The following HEY2 variants were observed in gnomAD, a reference collection of about 807,000 sequenced individuals.
The protein encoded by HEY2 is hes related family bHLH transcription factor with YRPW motif 2.
Under a neutral mutation model 18.1 loss-of-function variants are expected in HEY2, and 10 were observed. The observed-to-expected ratio is 0.55, with a 90% CI of 0.34 to 0.94. HEY2 has a LOEUF of 0.94. Among genes scored for constraint, HEY2 ranks in the 40% least tolerant of loss-of-function variants. HEY2 has a pLI of 0.02. For missense variants in HEY2, 455 were observed against 455.9 expected (o/e 1.00, Z 0.02); for synonymous variants, 210 against 182.7 (o/e 1.15, Z -1.21).
intron 3 of HEY2, among the ~76,000 whole-genome samples, chr6:125,752,342 G>C (rs556448688): frequency 2.0e-5 from 3 of 150,598 alleles, no homozygotes; most frequent in Admixed American, 6.6e-5. Context: ...TTCCCCTTAA[G>C]GGTAACAGTG....
At chr6:125,750,985 A>G (rs1010152578) in intron 1 of HEY2, among the ~76,000 whole-genome samples, 1 of 152,244 alleles carries the variant, frequency 6.6e-6, no homozygotes, top group African/African-American at 2.4e-5. Context: ...AACAGATACA[A>G]ACTAGAAAGG....
At chr6:125,754,150 T>G (rs1292409720) in intron 3 of HEY2, among the ~76,000 whole-genome samples, 1 of 152,174 alleles carries the variant, frequency 6.6e-6, no homozygotes, top group African/African-American at 2.4e-5. Context: ...GAATGCAAAG[T>G]TTGAGATTTT....
intron 1 of HEY2, among the ~76,000 whole-genome samples, chr6:125,750,918 G>T (rs1773531589): frequency 3.3e-5 from 5 of 152,104 alleles, no homozygotes; most frequent in Non-Finnish European, 5.9e-5. Flanking sequence ...ACAAATAACA[G>T]GAACCTGGGG....
intron 1 of HEY2, chr6:125,750,129 G>T: frequency 2.1e-6 from 1 of 471,248 alleles, no homozygotes; most frequent in Admixed American, 6.4e-5. Flanking sequence ...GAGGGTCCTG[G>T]CTGTCACAGT....
intron 3 of HEY2, among the ~76,000 whole-genome samples, chr6:125,753,382 A>C (rs1773589289): frequency 6.6e-6 from 1 of 152,182 alleles, no homozygotes; most frequent in Non-Finnish European, 1.5e-5. Flanking sequence ...TACCATAAAC[A>C]CAAGCTTTCC....
intron 1 of HEY2, among the ~76,000 whole-genome samples, chr6:125,750,663 A>G (rs1773526776): frequency 6.6e-6 from 1 of 152,246 alleles, no homozygotes; most frequent in Non-Finnish European, 1.5e-5. Flanking sequence ...ATACAAAGCA[A>G]AGCACAAAAT....
intron 4 of HEY2, among the ~76,000 whole-genome samples, chr6:125,757,158 T>C (rs969524533): frequency 6.6e-6 from 1 of 152,226 alleles, no homozygotes; most frequent in African/African-American, 2.4e-5. Flanking sequence ...GAGGATTTAG[T>C]AGAATAACCT....
At position 125,751,813 on chromosome 6, in the gene HEY2, C is replaced by T. The variant is rs777406714; in HGVS notation, c.96C>T (p.Ser32=). The T allele has an allele frequency of 6.2e-7, 1 of 1,611,256 alleles. No homozygotes were observed. The highest frequency in any genetic ancestry group is 1.1e-5 in the South Asian group (1 of 91,012). Residue 32 remains serine (S), a synonymous_variant, in exon 2 of 5, where the codon AGC becomes AGT. Transcript: ENST00000368364. ...TCTTATTTCATAGGCAAAGTACTAGCTCTGTGATTAGATTGAATTCTCCAA... is the reference window on the plus strand; with the variant it reads ...TCTTATTTCATAGGCAAAGTACTAGTTCTGTGATTAGATTGAATTCTCCAA... ...SENNYSGQST[S]SVIRLNSPTT...
chr6:125,755,513 C>T (rs1773637193), intron 4 of HEY2, among the ~76,000 whole-genome samples: 1 of 152,172 alleles, frequency 6.6e-6, no homozygotes, highest in Non-Finnish European at 1.5e-5. Context: ...CCTTTTACTA[C>T]ACTGTATACG....
At chr6:125,757,079 A>G (rs1256433710) in intron 4 of HEY2, among the ~76,000 whole-genome samples, 4 of 152,196 alleles carry the variant, frequency 2.6e-5, no homozygotes, top group Non-Finnish European at 5.9e-5. Flanking sequence ...AATTCTTAGA[A>G]GCTCTTGGGG....
intron 4 of HEY2, among the ~76,000 whole-genome samples, chr6:125,756,484 T>A (rs1773659239): frequency 6.6e-6 from 1 of 152,100 alleles, no homozygotes; most frequent in Non-Finnish European, 1.5e-5. Context: ...GGAGAATTGC[T>A]TGAACCCGGG....
chr6:125,752,422 T>C (rs1773566853), intron 3 of HEY2, among the ~76,000 whole-genome samples: 1 of 117,124 alleles, frequency 8.5e-6, no homozygotes, highest in African/African-American at 3.0e-5. Context: ...GTATACCGTA[T>C]CCTTCAAAAA....
At chr6:125,750,559 G>T (rs947538165) in intron 1 of HEY2, among the ~76,000 whole-genome samples, 1 of 152,174 alleles carries the variant, frequency 6.6e-6, no homozygotes, top group Non-Finnish European at 1.5e-5. Flanking sequence ...ATCCCCAGAA[G>T]CACCTTAATT....
At chr6:125,757,167 C>T (rs187308545) in intron 4 of HEY2, among the ~76,000 whole-genome samples, 151 of 152,184 alleles carry the variant, frequency 9.9e-4, no homozygotes, top group African/African-American at 3.5e-3. Flanking sequence ...GTAGAATAAC[C>T]TAAGTTTCGA....
At chr6:125,751,162 A>C (rs1773536100) in intron 1 of HEY2, among the ~76,000 whole-genome samples, 1 of 152,248 alleles carries the variant, frequency 6.6e-6, no homozygotes, top group South Asian at 2.1e-4. Context: ...TTCACCTAGT[A>C]ATAAAATGAG....
At chr6:125,753,346 C>G (rs1482472414) in intron 3 of HEY2, among the ~76,000 whole-genome samples, 3 of 151,658 alleles carry the variant, frequency 2.0e-5, no homozygotes, top group Non-Finnish European at 4.4e-5. Context: ...ACCTTAAAAG[C>G]AAACATCAGT....
intron 4 of HEY2, among the ~76,000 whole-genome samples, chr6:125,755,063 C>G (rs971309111): frequency 5.3e-5 from 8 of 152,156 alleles, no homozygotes; most frequent in Non-Finnish European, 8.8e-5. Context: ...CAGATTTTTG[C>G]TTGGTCTTGA....
chr6:125,759,226 G>A lies in HEY2; in HGVS notation c.438G>A (p.Ser146=). 1.9e-6 allele frequency: 3 copies of A among 1,612,422 alleles called. No homozygotes were observed. Among genetic ancestry groups the A allele is most frequent in the Non-Finnish European group, 2.5e-6 (3 of 1,180,008 alleles). The change falls in exon 5 of 5, where the codon TCG becomes TCA. Residue 146 remains serine, a synonymous_variant. Coordinates refer to ENST00000368364, the MANE Select transcript of HEY2 (RefSeq NM_012259.3). ...GCTCCGTGGAAGGCCTGGACTCCTC[G>A]GATCCGCTGCGGGTGCGGCTTGTGT... The part of the protein sequence containing the change: ...YLSSVEGLDS[S]DPLRVRLVSH...
intron 1 of HEY2, 86 bp downstream of exon 1, chr6:125,749,945 C>A: frequency 2.7e-6 from 3 of 1,122,376 alleles, no homozygotes; most frequent in Non-Finnish European, 2.6e-6. Flanking sequence ...AATCCCGAGG[C>A]TGGTCTCCGC....
Sources: gnomAD v4.1 joint callset for allele counts (sites outside exome capture counted in the v4.1 genomes callset) on GRCh38, gnomAD v4.1.1 for gene constraint, MANE v1.5 for transcripts, NCBI Gene and HGNC (gene_info 2026-07-23, HGNC 2026-07-21) for gene names.